Variants in COL2A1 observed in about 807,000 individuals in gnomAD.
COL2A1 encodes collagen alpha-1(II) chain.
In COL2A1, 28 loss-of-function variants were observed where a neutral mutation model predicts 204.5. The observed-to-expected ratio is 0.14, with a 90% CI of 0.10 to 0.19. The LOEUF (loss-of-function observed/expected upper bound fraction) is 0.19, where lower values mean the gene tolerates loss of function less well. Ranked by LOEUF, COL2A1 falls within the 10% of genes least tolerant of loss-of-function variation. The pLI is 1.00. For missense variants in COL2A1, 1,388 were observed against 2,027.5 expected, an observed-to-expected ratio of 0.68 and a Z score of 6.06; for synonymous variants, 708 against 718.7, an observed-to-expected ratio of 0.99 and a Z score of 0.24.
chr12:47,999,950 G>A lies in COL2A1; in HGVS notation c.261C>T (p.Pro87=), dbSNP rs2136636867. 1.2e-6 allele frequency: 2 copies of A among 1,614,160 alleles called. No individual in the cohort carries two copies. Among genetic ancestry groups the A allele is most frequent in the Non-Finnish European group, 1.7e-6 (2 of 1,180,000 alleles). The change falls in exon 2 of 54, where the codon CCC becomes CCT. Residue 87 remains proline (P), a synonymous_variant. Coordinates refer to ENST00000380518, the MANE Select transcript of COL2A1 (RefSeq NM_001844.5). ...SPEIPFGECC[P]ICPTDLATAS... ...CAGTGGCGAGGTCAGTTGGGCAGAT[G>A]GGGCAGCACTCTCCGAAGGGGATCT...
At chr12:47,979,403 C>T (rs1036119161) in intron 41 of COL2A1, 108 bp downstream of exon 41, 35 of 1,146,106 alleles carry the variant, frequency 3.1e-5, no homozygotes, top group African/African-American at 7.6e-5. Flanking sequence ...GGGGCAGGAA[C>T]GGACTCAGAG....
At position 47,975,395 on chromosome 12, in the gene COL2A1, G is replaced by A. The variant is rs886049444; in HGVS notation, c.3808C>T (p.Arg1270Cys). 9 of 1,614,158 alleles carry A rather than the reference G, an allele frequency of 5.6e-6. No individual in the cohort carries two copies. Among genetic ancestry groups the A allele is most frequent in the African/African-American group, 1.3e-5 (1 of 75,032 alleles). ...KSLNNQIESI[R>C]SPEGSRKNPA... is the part of the protein sequence containing the mutation. ...TTCTTGCGGGAGCCCTCGGGGCTGCGGATGCTCTCAATCTGGTTGTTGAGG... is the reference window on the plus strand; with the variant it reads ...TTCTTGCGGGAGCCCTCGGGGCTGCAGATGCTCTCAATCTGGTTGTTGAGG... The change falls in exon 51 of 54, where the codon CGC becomes TGC. Residue 1270 changes from arginine (R) to cysteine (C), a missense_variant. Coordinates refer to ENST00000380518, the MANE Select transcript of COL2A1 (RefSeq NM_001844.5).
At chr12:47,974,013 T>C in intron 53 of COL2A1, 76 bp downstream of exon 53, 1 of 1,610,156 alleles carries the variant, frequency 6.2e-7, no homozygotes, top group South Asian at 1.1e-5. Flanking sequence ...ACCTGACAGC[T>C]GCCGCGGGCC....
rs1438456491 is a variant in COL2A1 at position 47,981,327 on chromosome 12, A to T, written c.2463+16T>A. On this transcript the variant is annotated intron_variant, in intron 37 of 53. Coordinates refer to ENST00000380518, the MANE Select transcript of COL2A1 (RefSeq NM_001844.5). ...GGGCCTCGGGCAGAGCCAGGCTCAG[A>T]GGGGCAGACACTCACCGGAGCGCCA... 1.2e-6 allele frequency: 2 copies of T among 1,611,726 alleles called. No homozygotes were observed. The highest frequency in any genetic ancestry group is 2.7e-5 in the African/African-American group (2 of 74,908).
At chr12:47,986,013 C>G (rs939124143) in intron 23 of COL2A1, 48 bp from the exon 24 acceptor site, 1 of 1,536,496 alleles carries the variant, frequency 6.5e-7, no homozygotes, top group African/African-American at 1.4e-5. Flanking sequence ...CAGCCCCAAC[C>G]CAGCCAGGCT....
chr12:48,005,215 CAGA>C (rs1353571025), upstream of COL2A1: 1 of 152,800 alleles, frequency 6.5e-6, no homozygotes, highest in Non-Finnish European at 1.5e-5. Context: ...TGTTACTGCA[CAGA>C]AGGAGACCTG....
chr12:47,992,687 A>G (rs532690057), intron 16 of COL2A1, among the ~76,000 whole-genome samples, 191 bp downstream of exon 16: 145 of 152,288 alleles, frequency 9.5e-4, no homozygotes, highest in African/African-American at 3.2e-3. Flanking sequence ...CGACCCTCCC[A>G]TTCCTATCCT....
In COL2A1 at chr12:47,980,984, G is replaced by T. The variant is rs1368156359; in HGVS notation, c.2464-16C>A. 2 of 1,550,352 alleles carry T rather than the reference G, an allele frequency of 1.3e-6. No individual in the cohort carries two copies. Among genetic ancestry groups the T allele is most frequent in the South Asian group, 1.2e-5 (1 of 84,018 alleles). On this transcript the variant is annotated splice_polypyrimidine_tract_variant and intron_variant, in intron 37 of 53. Transcript: ENST00000380518. The surrounding 1 kb of genome is among the most constrained non-coding windows in gnomAD (Gnocchi z 4.5). ...CACGTTCACCCTGTGAGAGAAGGGG[G>T]CATGGCGAGAGGTCAGGCCCCGCTG...
chr12:47,985,690 G>T, intron 25 of COL2A1, 38 bp downstream of exon 25: 1 of 1,611,148 alleles, frequency 6.2e-7, no homozygotes, highest in Non-Finnish European at 8.5e-7. Context: ...AGGGCCTGAG[G>T]GTCTGAAGCC....
intron 2 of COL2A1, chr12:47,999,686 A>C: frequency 2.8e-6 from 1 of 357,104 alleles, no homozygotes; most frequent in Non-Finnish European, 4.7e-6. Context: ...TGTGTCTTGG[A>C]AGCAAATGTT....
At position 47,973,203 on chromosome 12, in the gene COL2A1, G is replaced by A; in HGVS notation, c.*204C>T. On this transcript the variant is annotated 3_prime_UTR_variant, in exon 54 of 54. Transcript: ENST00000380518. ...CTTACAGGAAGACAATAAATAAATAGAACACCGAGATTTTATTTTGCAGTC... is the reference window on the plus strand; with the variant it reads ...CTTACAGGAAGACAATAAATAAATAAAACACCGAGATTTTATTTTGCAGTC... 1 of 676,376 alleles carries A rather than the reference G, an allele frequency of 1.5e-6. No homozygotes were observed. Among genetic ancestry groups the A allele is most frequent in the Non-Finnish European group, 2.6e-6 (1 of 379,992 alleles). 41.9% of individuals were successfully genotyped at this position (676,376 alleles called of 1,614,324 possible). A position where few individuals can be genotyped will look rare whatever the true frequency, so the allele number is the denominator to read the frequency against.
upstream of COL2A1, chr12:48,005,693 C>T (rs1242585063): frequency 6.6e-6 from 1 of 152,276 alleles, no homozygotes; most frequent in Admixed American, 6.5e-5. Context: ...CGTCCCCAAA[C>T]AGACCTTCCT....
chr12:48,001,260 C>CG (rs41272791), intron 1 of COL2A1, among the ~76,000 whole-genome samples: 117,912 of 152,200 alleles, frequency 0.77, 46,175 homozygotes, highest in Middle Eastern at 0.85. Flanking sequence ...ACCCAGAGGG[C>CG]GAGAAAGAAA....
intron 31 of COL2A1, 37 bp from the exon 32 acceptor site, chr12:47,983,174 T>G (rs1363035297): frequency 6.2e-7 from 1 of 1,606,366 alleles, no homozygotes; most frequent in South Asian, 1.1e-5. Flanking sequence ...AGTGAAGGCT[T>G]CATATCACAG....
chr12:47,984,734 C>T (rs1939293874), intron 27 of COL2A1, 135 bp from the exon 28 acceptor site: 1 of 893,396 alleles, frequency 1.1e-6, no homozygotes. Context: ...CAGCCCTTCT[C>T]TTCTGTTCAG....
chr12:47,999,956 G>A lies in COL2A1; in HGVS notation c.255C>T (p.Cys85=), dbSNP rs1555169484. Residue 85 remains cysteine (C), a synonymous_variant, in exon 2 of 54, where the codon TGC becomes TGT. Coordinates refer to ENST00000380518, the MANE Select transcript of COL2A1 (RefSeq NM_001844.5). ...CGAGGTCAGTTGGGCAGATGGGGCA[G>A]CACTCTCCGAAGGGGATCTCAGGGC... ...CLSPEIPFGE[C]CPICPTDLAT... is the part of the protein sequence containing the mutation. 1 of 1,614,198 alleles carries A rather than the reference G, an allele frequency of 6.2e-7. No individual in the cohort carries two copies. The highest frequency in any genetic ancestry group is 8.5e-7 in the Non-Finnish European group (1 of 1,180,020).
intron 2 of COL2A1, 110 bp from the exon 3 acceptor site, chr12:47,998,541 C>A (rs1940075126): frequency 8.3e-7 from 1 of 1,208,552 alleles, no homozygotes; most frequent in East Asian, 2.5e-5. Context: ...AGGACACAAT[C>A]AAGGAAGGCG....
intron 15 of COL2A1, 36 bp downstream of exon 15, chr12:47,993,422 C>A (rs1484825475): frequency 6.5e-7 from 1 of 1,535,410 alleles, no homozygotes. Context: ...TCTGAAGAGT[C>A]TTTGATAAAC....
chr12:47,983,750 GA>G lies in COL2A1; in HGVS notation c.1942-15del. Reference sequence around the variant, plus strand: ...ACCAGCAGGTCCCTGCAGTGGAAAAGAAAAGGTGAGCTGAGCCAGTGTTCCA... The same window carrying G: ...ACCAGCAGGTCCCTGCAGTGGAAAAGAAAGGTGAGCTGAGCCAGTGTTCCA... On this transcript the variant is annotated splice_polypyrimidine_tract_variant and intron_variant, in intron 29 of 53. Transcript: ENST00000380518. 1.3e-6 allele frequency: 2 copies of G among 1,578,058 alleles called. No individual in the cohort carries two copies. The highest frequency in any genetic ancestry group is 8.6e-7 in the Non-Finnish European group (1 of 1,161,602).
Sources: gnomAD v4.1 joint callset for allele counts (sites outside exome capture counted in the v4.1 genomes callset) on GRCh38, gnomAD v4.1.1 for gene constraint, Gnocchi (gnomAD v3.1) non-coding constraint, MANE v1.5 for transcripts, NCBI Gene and HGNC (gene_info 2026-07-23, HGNC 2026-07-21) for gene names.